DMGDH: variants seen among roughly 807,000 people sequenced by gnomAD.
The protein encoded by DMGDH is dimethylglycine dehydrogenase, mitochondrial.
Under a neutral mutation model 95.2 loss-of-function variants are expected in DMGDH, and 76 were observed. That is an observed-to-expected ratio of 0.80 (90% CI 0.66 to 0.97). DMGDH has a LOEUF of 0.97. DMGDH is among the 50% of genes least tolerant of loss of function. The pLI, the probability that DMGDH is intolerant of heterozygous loss-of-function variation, is 0.00. For synonymous variants in DMGDH, 345 were observed against 377.6 expected, an observed-to-expected ratio of 0.91 and a Z score of 1.00; for missense variants, 987 against 1,055.0, an observed-to-expected ratio of 0.94 and a Z score of 0.89.
chr5:79,043,458 C>T (rs1193130560), intron 6 of DMGDH, among the ~76,000 whole-genome samples: 3 of 152,158 alleles, frequency 2.0e-5, no homozygotes, highest in Admixed American at 6.5e-5. Context: ...ACCAGCTGGC[C>T]TAACTTCTGT....
chr5:79,067,005 C>A (rs879709750), intron 1 of DMGDH, among the ~76,000 whole-genome samples: 5 of 151,910 alleles, frequency 3.3e-5, no homozygotes, highest in Non-Finnish European at 7.4e-5. Context: ...TTTCTTTCAC[C>A]CTTGTTTGTT....
intron 2 of DMGDH, among the ~76,000 whole-genome samples, chr5:79,056,390 A>G (rs1220130095): frequency 1.3e-5 from 2 of 151,764 alleles, no homozygotes; most frequent in Non-Finnish European, 2.9e-5. Flanking sequence ...TAAAAATACA[A>G]AAATTAGCTG....
At chr5:79,018,881 A>G (rs890608366) in intron 14 of DMGDH, among the ~76,000 whole-genome samples, 1 of 152,192 alleles carries the variant, frequency 6.6e-6, no homozygotes, top group Non-Finnish European at 1.5e-5. Context: ...AGTTTAATGT[A>G]TCCTGACAGG....
Position 79,063,586 on chromosome 5 carries a change from T to C in DMGDH, c.276+27A>G, listed in dbSNP as rs748239671. On this transcript the variant is annotated intron_variant, in intron 2 of 15. Transcript: ENST00000255189. ...CTTTACTCATGCACAATTCCACGCTTATGACAGTTTGGGGTGCTTTTCTTA... is the reference window on the plus strand; with the variant it reads ...CTTTACTCATGCACAATTCCACGCTCATGACAGTTTGGGGTGCTTTTCTTA... 1.6e-5 allele frequency: 26 copies of C among 1,613,988 alleles called. No homozygotes were observed. The East Asian group carries it at 5.8e-4, about 36-fold the overall frequency.
At chr5:79,063,582 C>T (rs755156521) in intron 2 of DMGDH, 31 bp downstream of exon 2, 43 of 1,613,870 alleles carry the variant, frequency 2.7e-5, no homozygotes, top group Middle Eastern at 1.6e-4. Context: ...CACAATTCCA[C>T]GCTTATGACA....
chr5:79,006,850 C>CCCGCCCG (rs142991064), intron 14 of DMGDH, among the ~76,000 whole-genome samples: 2 of 147,568 alleles, frequency 1.4e-5, no homozygotes, highest in Non-Finnish European at 3.0e-5. Context: ...CTGAGACCCC[C>CCCGCCCG]CCAGTCCATT....
intron 1 of DMGDH, among the ~76,000 whole-genome samples, chr5:79,067,701 A>G (rs1376234948): frequency 6.6e-6 from 1 of 152,210 alleles, no homozygotes; most frequent in East Asian, 1.9e-4. Context: ...GTGGATAACT[A>G]TCTTAAAATC....
intron 7 of DMGDH, among the ~76,000 whole-genome samples, chr5:79,039,838 T>C (rs1160833659): frequency 1.3e-5 from 2 of 152,192 alleles, no homozygotes; most frequent in Non-Finnish European, 1.5e-5. Flanking sequence ...CAATGAAACC[T>C]CCATAAAGAC....
chr5:79,001,828 G>A (rs185598787), intron 15 of DMGDH, among the ~76,000 whole-genome samples: 1 of 152,298 alleles, frequency 6.6e-6, no homozygotes, highest in Admixed American at 6.5e-5. Context: ...AGGTTTAGAA[G>A]CCCAGGATAT....
intron 1 of DMGDH, among the ~76,000 whole-genome samples, chr5:79,066,901 C>G (rs1755398636): frequency 6.6e-6 from 1 of 152,280 alleles, no homozygotes; most frequent in Non-Finnish European, 1.5e-5. Context: ...CCTTATCAAA[C>G]TTTTACTGAG....
intron 5 of DMGDH, among the ~76,000 whole-genome samples, chr5:79,046,946 T>C (rs1018805289): frequency 2.6e-5 from 4 of 152,232 alleles, no homozygotes; most frequent in African/African-American, 7.2e-5. Flanking sequence ...TGCTTACTAA[T>C]GCACTTCATC....
intron 5 of DMGDH, among the ~76,000 whole-genome samples, chr5:79,047,591 G>A (rs1754717216): frequency 6.6e-6 from 1 of 152,148 alleles, no homozygotes; most frequent in Admixed American, 6.5e-5. Flanking sequence ...ATAATAACTA[G>A]TACCTGCCCG....
chr5:78,997,956 T>C lies in DMGDH; in HGVS notation c.*126A>G. ...TAACAGAAAGGTTTCATTAAGATTC[T>C]AAATTTAGACTTTGATGATTTTGAA... On this transcript the variant is annotated 3_prime_UTR_variant, in exon 16 of 16. Coordinates refer to ENST00000255189, the MANE Select transcript of DMGDH (RefSeq NM_013391.3). The C allele has an allele frequency of 9.9e-7, 1 of 1,007,902 alleles. No homozygotes were observed. Among genetic ancestry groups the C allele is most frequent in the South Asian group, 1.5e-5 (1 of 66,208 alleles). The allele number at this position is 1,007,902 out of a possible 1,614,324, so 62.4% of individuals were successfully genotyped here.
Position 79,044,466 on chromosome 5 carries a change from T to C in DMGDH, c.832A>G (p.Ile278Val), listed in dbSNP as rs1423453660. The part of the protein sequence containing the change: ...VQHQYVVTST[I>V]SEVKALKREL... ...CGTTTCAAAGCTTTCACTTCAGATA[T>C]AGTCGATGTAACAACATATTGATGT... Residue 278 changes from isoleucine to valine, a missense_variant, in exon 6 of 16, where the codon ATA becomes GTA. Coordinates refer to ENST00000255189, the MANE Select transcript of DMGDH (RefSeq NM_013391.3). 5 of 1,614,160 alleles carry C rather than the reference T, an allele frequency of 3.1e-6. No individual in the cohort carries two copies. The highest frequency in any genetic ancestry group is 2.2e-5 in the East Asian group (1 of 44,880).
chr5:79,042,247 T>C (rs746192234), intron 7 of DMGDH, 36 bp downstream of exon 7: 2 of 1,583,618 alleles, frequency 1.3e-6, no homozygotes, highest in Admixed American at 1.7e-5. Context: ...AATAAGTGAT[T>C]CTACAATAAA....
intron 7 of DMGDH, among the ~76,000 whole-genome samples, chr5:79,034,796 G>T (rs191018661): frequency 3.9e-5 from 6 of 152,076 alleles, no homozygotes; most frequent in Non-Finnish European, 8.8e-5. Flanking sequence ...GATGTCTCAC[G>T]CCTGTAATCC....
At chr5:79,056,563 T>A (rs1470412853) in intron 2 of DMGDH, among the ~76,000 whole-genome samples, 1 of 143,164 alleles carries the variant, frequency 7.0e-6, no homozygotes. Flanking sequence ...TAAATAAAAC[T>A]ATGGGGGAGG....
intron 5 of DMGDH, among the ~76,000 whole-genome samples, chr5:79,044,940 A>G (rs620376): frequency 0.46 from 70,614 of 152,030 alleles, 17,012 homozygotes; most frequent in East Asian, 0.64. Flanking sequence ...GGACAGGGAC[A>G]GTCAGGCAAA....
At chr5:79,050,927 T>C (rs542329592) in intron 5 of DMGDH, among the ~76,000 whole-genome samples, 124 of 152,058 alleles carry the variant, frequency 8.2e-4, no homozygotes, top group African/African-American at 2.9e-3. Context: ...AAAAAGCAAA[T>C]TGGACACAAA....
Sources: allele counts gnomAD v4.1 joint callset (sites outside exome capture counted in the v4.1 genomes callset), GRCh38; gene constraint gnomAD v4.1.1; transcripts MANE v1.5; gene names NCBI Gene and HGNC (gene_info 2026-07-23, HGNC 2026-07-21).